Variants in MAGI2 observed in about 807,000 individuals in gnomAD.
The protein encoded by MAGI2 is membrane-associated guanylate kinase, WW and PDZ domain-containing protein 2.
In MAGI2, 35 loss-of-function variants were observed where a neutral mutation model predicts 133.3. The observed-to-expected ratio is 0.26, with a 90% CI of 0.20 to 0.35. The LOEUF (loss-of-function observed/expected upper bound fraction) is 0.35. Among genes scored for constraint, MAGI2 ranks in the 10% least tolerant of loss-of-function variants. MAGI2 has a pLI of 1.00. For missense variants in MAGI2, 1,636 were observed against 1,863.4 expected (o/e 0.88, Z 2.25); for synonymous variants, 729 against 710.6 (o/e 1.03, Z -0.41).
chr7:78,091,336 C>A (rs1462079040), intron 20 of MAGI2, among the ~76,000 whole-genome samples: 1 of 152,094 alleles, frequency 6.6e-6, no homozygotes, highest in African/African-American at 2.4e-5. Flanking sequence ...TCCTCTCTTG[C>A]CCTTCTGCCA....
At chr7:79,039,761 C>A (rs1210545793) in intron 1 of MAGI2, among the ~76,000 whole-genome samples, 1 of 150,164 alleles carries the variant, frequency 6.7e-6, no homozygotes, top group Non-Finnish European at 1.5e-5. Context: ...GTGGTCAGAT[C>A]ACTTGAGGTT....
chr7:78,795,328 A>G (rs1012809801), intron 2 of MAGI2, among the ~76,000 whole-genome samples: 2 of 151,894 alleles, frequency 1.3e-5, no homozygotes, highest in Non-Finnish European at 2.9e-5. Context: ...AGAAAAAATT[A>G]AAAACATCAC....
intron 6 of MAGI2, among the ~76,000 whole-genome samples, chr7:78,470,593 T>C (rs1257109758): frequency 6.6e-6 from 1 of 152,154 alleles, no homozygotes; most frequent in Non-Finnish European, 1.5e-5. Flanking sequence ...TAGATCATTT[T>C]TGGGCATGCA....
At chr7:78,832,069 C>A (rs1791215878) in intron 2 of MAGI2, among the ~76,000 whole-genome samples, 1 of 151,472 alleles carries the variant, frequency 6.6e-6, no homozygotes, top group Non-Finnish European at 1.5e-5. Context: ...ATAAGGGTTT[C>A]TTTCTTTCTC....
intron 6 of MAGI2, among the ~76,000 whole-genome samples, chr7:78,400,903 A>G (rs972141153): frequency 6.6e-6 from 1 of 152,190 alleles, no homozygotes; most frequent in Non-Finnish European, 1.5e-5. Flanking sequence ...GATGTCAGTC[A>G]GTTCTGAGAA....
chr7:79,184,783 A>G (rs1358844389), intron 1 of MAGI2, among the ~76,000 whole-genome samples: 4 of 151,860 alleles, frequency 2.6e-5, no homozygotes, highest in East Asian at 1.9e-4. Flanking sequence ...TAATATTCTC[A>G]TTGCTGTTTA....
At chr7:79,389,418 C>T (rs924491249) in intron 1 of MAGI2, among the ~76,000 whole-genome samples, 4 of 152,054 alleles carry the variant, frequency 2.6e-5, no homozygotes, top group African/African-American at 9.7e-5. Context: ...AGAAGACTAA[C>T]TTATGAATGT....
chr7:78,543,072 A>G (rs1563146726), intron 3 of MAGI2, among the ~76,000 whole-genome samples: 1 of 152,250 alleles, frequency 6.6e-6, no homozygotes, highest in Non-Finnish European at 1.5e-5. Context: ...ATTAAAACCA[A>G]TTCAACTAGA....
chr7:78,851,390 C>T (rs907159708), intron 2 of MAGI2, among the ~76,000 whole-genome samples: 9 of 151,866 alleles, frequency 5.9e-5, no homozygotes, highest in African/African-American at 2.2e-4. Context: ...TTGGAAATTC[C>T]GACAGAGAGT....
At chr7:79,425,588 ATATATATATATG>A (rs199734279) in intron 1 of MAGI2, among the ~76,000 whole-genome samples, 21,380 of 97,268 alleles carry the variant, frequency 0.22, 1,666 homozygotes, top group East Asian at 0.38. Flanking sequence ...TTATATATAT[ATATATATATATG>A]TATATATATG....
intron 6 of MAGI2, among the ~76,000 whole-genome samples, chr7:78,453,260 CAGAT>C (rs1316870623): frequency 6.6e-6 from 1 of 152,132 alleles, no homozygotes; most frequent in African/African-American, 2.4e-5. Context: ...TGCAAATACA[CAGAT>C]GGAGAAACTG....
At chr7:79,171,745 T>A (rs868860580) in intron 1 of MAGI2, among the ~76,000 whole-genome samples, 390 of 24,764 alleles carry the variant, frequency 0.016, 11 homozygotes, top group African/African-American at 0.035. Flanking sequence ...TAGCCAAAAA[T>A]ATATATATAT....
Position 79,438,668 on chromosome 7 carries a change from C to G in MAGI2, c.301+14352G>C, listed in dbSNP as rs1392509456. Among the ~76,000 whole-genome samples the G allele has an allele frequency of 2.0e-5, 3 of 152,034 alleles. No individual in the cohort carries two copies. In the East Asian group the frequency reaches 5.8e-4, roughly 29 times the overall value. ...TTTGCCTAGTGCCTCCCCTTCACCACTACCTCCCATTCCATTGGATATAAG... is the reference window on the plus strand; with the variant it reads ...TTTGCCTAGTGCCTCCCCTTCACCAGTACCTCCCATTCCATTGGATATAAG... On this transcript the variant is annotated intron_variant, in intron 1 of 21. Transcript: ENST00000354212.
At chr7:78,502,630 A>C (rs894660232) in intron 4 of MAGI2, among the ~76,000 whole-genome samples, 5 of 152,122 alleles carry the variant, frequency 3.3e-5, no homozygotes, top group African/African-American at 1.2e-4. Flanking sequence ...TTATAAATTA[A>C]ATTTTATCAT....
At chr7:79,395,066 T>C (rs1585825277) in intron 1 of MAGI2, among the ~76,000 whole-genome samples, 1 of 152,252 alleles carries the variant, frequency 6.6e-6, no homozygotes, top group East Asian at 1.9e-4. Flanking sequence ...TGTGTGAAAA[T>C]ATGTCATTGA....
At chr7:78,915,273 A>C (rs911012179) in intron 2 of MAGI2, among the ~76,000 whole-genome samples, 1 of 152,170 alleles carries the variant, frequency 6.6e-6, no homozygotes, top group Non-Finnish European at 1.5e-5. Flanking sequence ...ACCAGCTGCA[A>C]ATACAATATC....
At chr7:79,259,492 C>A (rs967434412) in intron 1 of MAGI2, among the ~76,000 whole-genome samples, 4 of 152,042 alleles carry the variant, frequency 2.6e-5, no homozygotes, top group Admixed American at 2.6e-4. Flanking sequence ...GCTTTTTGAG[C>A]CAAAGTATGA....
chr7:78,981,352 A>T (rs1394143845), intron 2 of MAGI2, among the ~76,000 whole-genome samples: 1 of 151,524 alleles, frequency 6.6e-6, no homozygotes, highest in Non-Finnish European at 1.5e-5. Flanking sequence ...CCACATTCTG[A>T]ATGATTTCAG....
At chr7:78,163,299 G>C (rs989170143) in intron 15 of MAGI2, among the ~76,000 whole-genome samples, 1 of 151,928 alleles carries the variant, frequency 6.6e-6, no homozygotes, top group Non-Finnish European at 1.5e-5. Context: ...CACCACGCCC[G>C]GCTAATTTGT....
Sources: allele counts gnomAD v4.1 joint callset (sites outside exome capture counted in the v4.1 genomes callset), GRCh38; gene constraint gnomAD v4.1.1; transcripts MANE v1.5; gene names NCBI Gene and HGNC (gene_info 2026-07-23, HGNC 2026-07-21).